ARAP1: variants seen among roughly 807,000 people sequenced by gnomAD.
ARAP1 encodes arf-GAP with Rho-GAP domain, ANK repeat and PH domain-containing protein 1.
In ARAP1, 76 loss-of-function variants were observed where a neutral mutation model predicts 172.2. The observed-to-expected ratio is 0.44, with a 90% CI of 0.37 to 0.53. The LOEUF (loss-of-function observed/expected upper bound fraction) is 0.53. ARAP1 is among the 20% of genes least tolerant of loss of function. The pLI, the probability that ARAP1 is intolerant of heterozygous loss-of-function variation, is 0.00. For synonymous variants in ARAP1, 804 were observed against 803.3 expected, an observed-to-expected ratio of 1.00 and a Z score of -0.01; for missense variants, 1,686 against 1,977.5, an observed-to-expected ratio of 0.85 and a Z score of 2.80.
intron 34 of ARAP1, 170 bp from the exon 35 acceptor site, chr11:72,685,851 G>A (rs1247316458): frequency 7.4e-7 from 1 of 1,346,998 alleles, no homozygotes. Flanking sequence ...CCAGCTTCCA[G>A]GGCCAGGCAG....
In ARAP1 at chr11:72,710,511, A is replaced by T. The variant is rs1856965839; in HGVS notation, c.1290T>A (p.Ala430=). The T allele has an allele frequency of 6.2e-7, 1 of 1,613,800 alleles. No individual in the cohort carries two copies. Among genetic ancestry groups the T allele is most frequent in the African/African-American group, 1.3e-5 (1 of 74,896 alleles). Residue 430 remains alanine (A), a synonymous_variant, in exon 10 of 35, where the codon GCT becomes GCA. Transcript: ENST00000393609. This position sits in a 1 kb window ranked among gnomAD's most constrained non-coding sequence, Gnocchi z 4.3. ...EQRARARLSS[A]YLLGVPGSEQ... ...CTGAGCCTGGAACTCCCAGCAGATAAGCGCTAGAGAGCCGGGCCCGGGCAC... is the reference window on the plus strand; with the variant it reads ...CTGAGCCTGGAACTCCCAGCAGATATGCGCTAGAGAGCCGGGCCCGGGCAC...
intron 1 of ARAP1, among the ~76,000 whole-genome samples, chr11:72,752,103 A>G (rs944017922): frequency 6.6e-6 from 1 of 152,206 alleles, no homozygotes; most frequent in African/African-American, 2.4e-5. Flanking sequence ...ACGGGCTGGA[A>G]GCCCCGGGTC....
intron 3 of ARAP1, among the ~76,000 whole-genome samples, chr11:72,716,014 T>C (rs891211604): frequency 6.6e-5 from 10 of 151,284 alleles, no homozygotes; most frequent in Non-Finnish European, 1.0e-4. Context: ...CTACTAAAAA[T>C]ACAAAAAAAT....
At chr11:72,747,119 C>G (rs1187371996) in intron 1 of ARAP1, among the ~76,000 whole-genome samples, 1 of 152,218 alleles carries the variant, frequency 6.6e-6, no homozygotes, top group Non-Finnish European at 1.5e-5. Flanking sequence ...CAAGCTCCCC[C>G]AGGGCCACTG....
chr11:72,704,163 C>T lies in ARAP1; in HGVS notation c.1981G>A (p.Glu661Lys). 1.9e-6 allele frequency: 3 copies of T among 1,614,170 alleles called. No individual in the cohort carries two copies. Among genetic ancestry groups the T allele is most frequent in the Non-Finnish European group, 2.5e-6 (3 of 1,180,030 alleles). ...RYHPLFGNQE[E>K]LDKALCAAVT... ...TGCAGTGCCCTGACCTTGTCCAGCT[C>T]CTCCTGGTTGCCAAAGAGCGGGTGG... is the stretch of plus-strand genomic sequence containing the variant. The change falls in exon 14 of 35, where the codon GAG becomes AAG. Residue 661 changes from glutamate to lysine, a missense_variant. By Grantham distance (56) the Glu-to-Lys change is moderately conservative (BLOSUM62 1). This residue lies in a region of ARAP1 where 688 missense variants were observed against 856.9 expected (regional missense o/e 0.80). Transcript: ENST00000393609.
chr11:72,701,753 A>C lies in ARAP1; in HGVS notation c.2198T>G (p.Leu733Arg), dbSNP rs1363285907. 3 of 1,613,856 alleles carry C rather than the reference A, an allele frequency of 1.9e-6. No homozygotes were observed. The highest frequency in any genetic ancestry group is 1.7e-6 in the Non-Finnish European group (2 of 1,179,834). ...CAGGACAACTGAGTAGTGCTTTTCC[A>C]GGGGCTTCATCGAGTCCAGCCGAGG... The part of the protein sequence containing the change: ...EVPRLDSMKP[L>R]EKHYSVVLPT... Residue 733 changes from leucine to arginine, a missense_variant, in exon 16 of 35, where the codon CTG becomes CGG. Leu to Arg is a moderately radical substitution (Grantham distance 102, BLOSUM62 -2). Around this residue, in one of 5 missense-constraint regions of ARAP1, gnomAD observed 688 missense variants for 856.9 expected, o/e 0.80. Coordinates refer to ENST00000393609, the MANE Select transcript of ARAP1 (RefSeq NM_001040118.3).
rs1408140018 is a variant in ARAP1 at position 72,693,910 on chromosome 11, C to A, written c.3695-105G>T. 2 of 918,544 alleles carry A rather than the reference C, an allele frequency of 2.2e-6. No individual in the cohort carries two copies. The highest frequency in any genetic ancestry group is 2.5e-5 in the Admixed American group (1 of 39,832). The allele number at this position is 918,544 out of a possible 1,614,324, so 56.9% of individuals were successfully genotyped here. Reference sequence around the variant, plus strand: ...CTACACATCCCCTGTCCACTCCAACCATATGCAAGTGCCACGACACAAAAC... The same window carrying A: ...CTACACATCCCCTGTCCACTCCAACAATATGCAAGTGCCACGACACAAAAC... On this transcript the variant is annotated intron_variant, in intron 27 of 34. Coordinates refer to ENST00000393609, the MANE Select transcript of ARAP1 (RefSeq NM_001040118.3). This position sits in a 1 kb window ranked among gnomAD's most constrained non-coding sequence, Gnocchi z 4.6.
At chr11:72,743,346 C>T (rs1449531684) in intron 1 of ARAP1, among the ~76,000 whole-genome samples, 1 of 152,204 alleles carries the variant, frequency 6.6e-6, no homozygotes, top group African/African-American at 2.4e-5. Context: ...GCCTTTGCTG[C>T]CCACCCTTCT....
chr11:72,727,211 G>T, intron 2 of ARAP1, 39 bp from the exon 3 acceptor site: 2 of 1,443,360 alleles, frequency 1.4e-6, no homozygotes, highest in Non-Finnish European at 1.8e-6. Context: ...AGGCAGGGCT[G>T]CCGAGGATTG....
chr11:72,703,958 C>A, intron 14 of ARAP1, 194 bp downstream of exon 14: 1 of 666,998 alleles, frequency 1.5e-6, no homozygotes, highest in Non-Finnish European at 2.5e-6. Flanking sequence ...AGGGTCAGGC[C>A]TGGCTCCTCC....
chr11:72,688,932 C>T (rs913642985), intron 30 of ARAP1: 20 of 189,450 alleles, frequency 1.1e-4, no homozygotes, highest in Admixed American at 3.4e-4. Flanking sequence ...CAAACTGGAA[C>T]GAGCGGGTGT....
Position 72,701,677 on chromosome 11 carries a change from C to G in ARAP1, c.2274G>C (p.Lys758Asn). 6.2e-7 allele frequency: 1 copy of G among 1,613,728 alleles called. No homozygotes were observed. Among genetic ancestry groups the G allele is most frequent in the Non-Finnish European group, 8.5e-7 (1 of 1,179,798 alleles). ...GFLYKTASAG[K>N]LLQDRRAREE... is the part of the protein sequence containing the mutation. ...CCCGGGCCCGGCGGTCCTGTAGCAG[C>G]TTGCCGGCAGAGGCAGTCTTGTAGA... Residue 758 changes from lysine (K) to asparagine (N), a missense_variant, in exon 16 of 35, where the codon AAG becomes AAC. Transcript: ENST00000393609.
At chr11:72,730,996 C>T (rs112160488) in intron 2 of ARAP1, among the ~76,000 whole-genome samples, 26 of 152,236 alleles carry the variant, frequency 1.7e-4, no homozygotes, top group African/African-American at 6.0e-4. Context: ...AAGTGCAGAA[C>T]AGTTTGTGTA....
At chr11:72,722,649 G>T (rs558416478) in intron 3 of ARAP1, among the ~76,000 whole-genome samples, 1 of 152,200 alleles carries the variant, frequency 6.6e-6, no homozygotes, top group African/African-American at 2.4e-5. Context: ...GGCAGTCAAG[G>T]GCACAGGAGG....
Position 72,696,513 on chromosome 11 carries a change from A to G in ARAP1, c.3272+36T>C, listed in dbSNP as rs368897090. ...GTGGGGGTAGAAGAACCTTCATCCC[A>G]TCCCCCCAGAATCTCACAATGGTAT... is the stretch of plus-strand genomic sequence containing the variant. On this transcript the variant is annotated intron_variant, in intron 23 of 34. Coordinates refer to ENST00000393609, the MANE Select transcript of ARAP1 (RefSeq NM_001040118.3). 3.9e-5 allele frequency: 57 copies of G among 1,452,552 alleles called. 1 individual carries two copies. In the East Asian group the frequency reaches 9.2e-4, roughly 23 times the overall value. The allele number at this position is 1,452,552 out of a possible 1,614,324, so 90.0% of individuals were successfully genotyped here.
At chr11:72,749,108 G>A (rs1273286923) in intron 1 of ARAP1, among the ~76,000 whole-genome samples, 1 of 152,222 alleles carries the variant, frequency 6.6e-6, no homozygotes, top group Non-Finnish European at 1.5e-5. Context: ...CTGCTCCAGA[G>A]CGGGGACTGG....
chr11:72,700,890 C>T (rs901994202), intron 16 of ARAP1, among the ~76,000 whole-genome samples: 1 of 152,232 alleles, frequency 6.6e-6, no homozygotes, highest in East Asian at 1.9e-4. Flanking sequence ...CCCAGCTACT[C>T]GGGAGGCTGA....
intron 29 of ARAP1, 104 bp from the exon 30 acceptor site, chr11:72,692,889 G>T: frequency 7.0e-7 from 1 of 1,431,856 alleles, no homozygotes; most frequent in Non-Finnish European, 9.7e-7. Context: ...GCATGTATGT[G>T]CAGAAGGTGG....
chr11:72,720,804 G>A (rs1201153427), intron 3 of ARAP1, among the ~76,000 whole-genome samples: 1 of 152,044 alleles, frequency 6.6e-6, no homozygotes, highest in Non-Finnish European at 1.5e-5. Flanking sequence ...TGTGCTCAGG[G>A]CATGCCTCCT....
Sources: allele counts gnomAD v4.1 joint callset (sites outside exome capture counted in the v4.1 genomes callset), GRCh38; gene constraint gnomAD v4.1.1; regional missense constraint gnomAD v4.1.1; non-coding constraint Gnocchi (gnomAD v3.1); transcripts MANE v1.5; gene names NCBI Gene and HGNC (gene_info 2026-07-23, HGNC 2026-07-21).